The following URB1 variants were observed in gnomAD, a reference collection of about 807,000 sequenced individuals.
URB1 encodes URB1 ribosome biogenesis factor, also known as nucleolar pre-ribosomal-associated protein 1.
A neutral mutation model predicts 242.3 loss-of-function variants in URB1; 197 were observed. The ratio of observed to expected loss-of-function variants is 0.81; its 90% CI spans 0.72 to 0.91. The LOEUF is 0.91. URB1 is among the 40% of genes least tolerant of loss of function. The probability of loss-of-function intolerance (pLI) is 0.00; values close to 1 mark genes in which losing one functional copy is unlikely to be tolerated. For missense variants in URB1, 2,721 were observed against 2,860.5 expected (o/e 0.95, Z 1.11); for synonymous variants, 1,153 against 1,201.8 (o/e 0.96, Z 0.84).
intron 10 of URB1, among the ~76,000 whole-genome samples, chr21:32,365,545 C>T (rs976531581): frequency 6.6e-6 from 1 of 152,118 alleles, no homozygotes; most frequent in Admixed American, 6.5e-5. Flanking sequence ...TTCCTGCAAG[C>T]CCTCTGAGAA....
Position 32,312,315 on chromosome 21 carries a change from A to T in URB1, c.*2603T>A. ...AGCTGTTTGCTTACTAATCTTTACT[A>T]TGCCACTTTACCATTACTGTGTAAT... On this transcript the variant is annotated 3_prime_UTR_variant, in exon 39 of 39. Coordinates refer to ENST00000382751, the MANE Select transcript of URB1 (RefSeq NM_014825.3). 1 of 1,288,156 alleles carries T rather than the reference A, an allele frequency of 7.8e-7. No individual in the cohort carries two copies. The highest frequency in any genetic ancestry group is 9.9e-7 in the Non-Finnish European group (1 of 1,007,322). The allele number at this position is 1,288,156 out of a possible 1,614,324, so 79.8% of individuals were successfully genotyped here. A position where few individuals can be genotyped will look rare whatever the true frequency, so the allele number is the denominator to read the frequency against.
In URB1 at chr21:32,325,263, T is replaced by G. The variant is rs1424273672; in HGVS notation, c.5087A>C (p.His1696Pro). 1 of 1,551,672 alleles carries G rather than the reference T, an allele frequency of 6.4e-7. No homozygotes were observed. The stretch of plus-strand genomic sequence containing the variant: ...CTCTTGGAACCGTGCGCCCTCCAAG[T>G]GCGAGTAGTAGGCCGCCAGGACATG... ...AYHVLAAYYS[H>P]LEGARFQEQS... The change falls in exon 31 of 39, where the codon CAC becomes CCC. Residue 1696 changes from histidine (H) to proline (P), a missense_variant. His to Pro is a moderately conservative substitution (Grantham distance 77). Coordinates refer to ENST00000382751, the MANE Select transcript of URB1 (RefSeq NM_014825.3).
At chr21:32,321,033 C>G (rs952703202) in intron 34 of URB1, among the ~76,000 whole-genome samples, 1 of 152,234 alleles carries the variant, frequency 6.6e-6, no homozygotes, top group African/African-American at 2.4e-5. Flanking sequence ...TGTTTACCAC[C>G]TGGAAGGGAG....
intron 20 of URB1, 26 bp from the exon 21 acceptor site, chr21:32,349,509 A>G (rs1311762160): frequency 1.3e-6 from 2 of 1,520,078 alleles, no homozygotes; most frequent in East Asian, 5.0e-5. Context: ...CACGAGCCTC[A>G]GCAGGGAAGA....
rs2033031164 is a variant in URB1 at position 32,341,624 on chromosome 21, T to TGA, written c.4258-101_4258-100insTC. On this transcript the variant is annotated intron_variant, in intron 24 of 38. Transcript: ENST00000382751. ...GCCTTCAGAAAGGCATCTGCCTCCA[T>TGA]GGCCTGACTACCTCCTCTGTAAAAC... 12 of 1,043,394 alleles carry TGA rather than the reference T, an allele frequency of 1.2e-5. 1 individual carries two copies. The South Asian group carries it at 1.7e-4, about 15-fold the overall frequency. The allele number at this position is 1,043,394 out of a possible 1,614,324, so 64.6% of individuals were successfully genotyped here.
Position 32,316,839 on chromosome 21 carries a change from G to A in URB1, c.6261C>T (p.Ser2087=), listed in dbSNP as rs1180035393. ...QEPVDSASPE[S]DAPGPVYAAA... ...CAGCATATACGGGGCCTGGCGCATCGCTCTCGGGGCTGGCTGAGTCCACAG... is the reference window on the plus strand; with the variant it reads ...CAGCATATACGGGGCCTGGCGCATCACTCTCGGGGCTGGCTGAGTCCACAG... Residue 2087 remains serine, a synonymous_variant, in exon 38 of 39, where the codon AGC becomes AGT. Transcript: ENST00000382751. 35 of 1,548,102 alleles carry A rather than the reference G, an allele frequency of 2.3e-5. No individual in the cohort carries two copies. Among genetic ancestry groups the A allele is most frequent in the Non-Finnish European group, 2.6e-5 (30 of 1,144,724 alleles).
At chr21:32,362,819 A>G (rs1034632599) in intron 11 of URB1, among the ~76,000 whole-genome samples, 3 of 152,146 alleles carry the variant, frequency 2.0e-5, no homozygotes, top group African/African-American at 7.2e-5. Flanking sequence ...GTGAGGGGTA[A>G]GGACACAATC....
chr21:32,357,669 C>A lies in URB1; in HGVS notation c.1870-13G>T. ...CATCTGGGCCTTCCTAGAGTTTAAACAATATTACGTATTTTTAGTATATAT... is the reference window on the plus strand; with the variant it reads ...CATCTGGGCCTTCCTAGAGTTTAAAAAATATTACGTATTTTTAGTATATAT... On this transcript the variant is annotated splice_polypyrimidine_tract_variant and intron_variant, in intron 14 of 38. Transcript: ENST00000382751. 2 of 1,436,444 alleles carry A rather than the reference C, an allele frequency of 1.4e-6. No individual in the cohort carries two copies. Among genetic ancestry groups the A allele is most frequent in the South Asian group, 3.4e-5 (2 of 59,312 alleles). The allele number at this position is 1,436,444 out of a possible 1,614,324, so 89.0% of individuals were successfully genotyped here. A position where few individuals can be genotyped will look rare whatever the true frequency, so the allele number is the denominator to read the frequency against.
At position 32,361,062 on chromosome 21, in the gene URB1, C is replaced by G. The variant is rs1416483303; in HGVS notation, c.1701G>C (p.Lys567Asn). ...VLLQVICLYQ[K>N]VVPHVVMQYN... ...ACTGCATGACCACGTGGGGGACCAC[C>G]TTCTGGTAGAGGCATATGACCTGGA... is the stretch of plus-strand genomic sequence containing the variant. The change falls in exon 13 of 39, where the codon AAG (lysine) becomes AAC (asparagine). Residue 567 changes from lysine to asparagine, a missense_variant. Transcript: ENST00000382751. 1 of 1,551,070 alleles carries G rather than the reference C, an allele frequency of 6.4e-7. No individual in the cohort carries two copies. Among genetic ancestry groups the G allele is most frequent in the East Asian group, 2.4e-5 (1 of 40,876 alleles).
chr21:32,322,965 T>C (rs1036607021), intron 32 of URB1, among the ~76,000 whole-genome samples: 1 of 152,200 alleles, frequency 6.6e-6, no homozygotes, highest in African/African-American at 2.4e-5. Flanking sequence ...CTCTAGCTTC[T>C]AACTGAAAGG....
intron 8 of URB1, among the ~76,000 whole-genome samples, chr21:32,369,804 G>C (rs1349618277): frequency 6.6e-6 from 1 of 151,922 alleles, no homozygotes; most frequent in Non-Finnish European, 1.5e-5. Flanking sequence ...AAAGAAGCTA[G>C]GATGTGGAAA....
chr21:32,386,520 C>T lies in URB1; in HGVS notation c.143-836G>A, dbSNP rs141973915. 3.9e-4 allele frequency among the ~76,000 whole-genome samples: 60 copies of T among 152,246 alleles called. 1 individual carries two copies. The highest frequency in any genetic ancestry group is 3.4e-3 in the Middle Eastern group (1 of 294). ...GTTATGGCTGCCCTAGTAGATTAATCCACAAGGACATTATGAACACACTTA... is the reference window on the plus strand; with the variant it reads ...GTTATGGCTGCCCTAGTAGATTAATTCACAAGGACATTATGAACACACTTA... On this transcript the variant is annotated intron_variant, in intron 1 of 38. Transcript: ENST00000382751.
intron 20 of URB1, 129 bp from the exon 21 acceptor site, chr21:32,349,612 G>C: frequency 7.1e-6 from 6 of 850,908 alleles, no homozygotes; most frequent in Non-Finnish European, 1.0e-5. Context: ...ACTCCTCACA[G>C]AGTGTGTGAG....
chr21:32,349,438 G>A lies in URB1; in HGVS notation c.2878C>T (p.Leu960Phe). 1 of 1,551,238 alleles carries A rather than the reference G, an allele frequency of 6.4e-7. No individual in the cohort carries two copies. Among genetic ancestry groups the A allele is most frequent in the Non-Finnish European group, 8.7e-7 (1 of 1,146,892 alleles). The change falls in exon 21 of 39, where the codon CTC becomes TTC. Residue 960 changes from leucine (L) to phenylalanine (F), a missense_variant. Transcript: ENST00000382751. ...GPPLLQLFLD[L>F]LRRLVVHCEQ... Reference sequence around the variant, plus strand: ...CAGTGGACAACCAGGCGCCTGAGGAGATCCAGGAAGAGCTGCAGGAGGGGC... The same window carrying A: ...CAGTGGACAACCAGGCGCCTGAGGAAATCCAGGAAGAGCTGCAGGAGGGGC...
chr21:32,351,675 G>A (rs1366555690), intron 19 of URB1, among the ~76,000 whole-genome samples: 1 of 152,134 alleles, frequency 6.6e-6, no homozygotes, highest in Non-Finnish European at 1.5e-5. Flanking sequence ...GGGGAATTCC[G>A]ACACACCCTG....
intron 11 of URB1, among the ~76,000 whole-genome samples, 189 bp from the exon 12 acceptor site, chr21:32,362,210 A>G (rs1717746862): frequency 6.8e-6 from 1 of 146,234 alleles, no homozygotes; most frequent in South Asian, 2.2e-4. Flanking sequence ...CTGCAGTATA[A>G]TTTTTTTTTT....
intron 30 of URB1, among the ~76,000 whole-genome samples, chr21:32,325,816 G>A (rs539602777): frequency 3.9e-5 from 6 of 152,202 alleles, no homozygotes; most frequent in African/African-American, 7.2e-5. Flanking sequence ...AAGCATCACC[G>A]AGGAAAGCAC....
intron 28 of URB1, among the ~76,000 whole-genome samples, chr21:32,336,233 G>A (rs1224584554): frequency 7.2e-5 from 11 of 151,926 alleles, no homozygotes. Context: ...TTTTTTGTGG[G>A]GTGGGGAGGG....
rs78049765 is a variant in URB1, at chr21:32,314,161, T to C, written c.*757A>G. The stretch of plus-strand genomic sequence containing the variant: ...AAAAAGTCATACTAATACTTTGTTA[T>C]GACTTTTTATAGAAAAACAAACTTT... On this transcript the variant is annotated 3_prime_UTR_variant, in exon 39 of 39. Transcript: ENST00000382751. 2,097 of 196,182 alleles carry C rather than the reference T, an allele frequency of 0.011. 50 individuals are homozygous for C. The highest frequency in any genetic ancestry group is 0.087 in the East Asian group (676 of 7,786). The allele number at this position is 196,182 out of a possible 1,614,324, so 12.2% of individuals were successfully genotyped here. A position where few individuals can be genotyped will look rare whatever the true frequency, so the allele number is the denominator to read the frequency against.
Sources: gnomAD v4.1 joint callset for allele counts (sites outside exome capture counted in the v4.1 genomes callset) on GRCh38, gnomAD v4.1.1 for gene constraint, MANE v1.5 for transcripts, NCBI Gene and HGNC (gene_info 2026-07-23, HGNC 2026-07-21) for gene names.